The following RIT2 variants were observed in gnomAD, a reference collection of about 807,000 sequenced individuals.
RIT2 encodes Ras like without CAAX 2.
Under a neutral mutation model 23.7 loss-of-function variants are expected in RIT2, and 24 were observed. The observed-to-expected ratio is 1.01, with a 90% confidence interval of 0.73 to 1.43. RIT2 has a LOEUF of 1.43. Ranked by LOEUF, RIT2 falls within the 40% of genes most tolerant of loss-of-function variation. The pLI is 0.00. For missense variants in RIT2, 236 were observed against 266.9 expected (o/e 0.88, Z 0.81); for synonymous variants, 107 against 91.1 (o/e 1.17, Z -0.99).
intron 3 of RIT2, among the ~76,000 whole-genome samples, chr18:42,941,931 C>T (rs566118228): frequency 6.6e-5 from 10 of 152,146 alleles, no homozygotes; most frequent in African/African-American, 2.2e-4. Context: ...ACTAGTTAGT[C>T]GTAGAACTGG....
intron 3 of RIT2, among the ~76,000 whole-genome samples, chr18:42,965,629 T>A (rs184666465): frequency 2.7e-5 from 4 of 150,234 alleles, no homozygotes; most frequent in East Asian, 4.1e-4. Context: ...AAGAAAAAAC[T>A]TTTTGTGCAA....
chr18:43,074,843 C>T (rs566161984), intron 1 of RIT2, among the ~76,000 whole-genome samples: 24 of 152,244 alleles, frequency 1.6e-4, no homozygotes, highest in African/African-American at 5.1e-4. Flanking sequence ...AGGAGCTGAA[C>T]GATGAGAACA....
At chr18:42,750,158 C>T (rs1176773075) in intron 4 of RIT2, among the ~76,000 whole-genome samples, 1 of 151,754 alleles carries the variant, frequency 6.6e-6, no homozygotes, top group Non-Finnish European at 1.5e-5. Context: ...TTTCTATTTA[C>T]AGAATATGGC....
intron 2 of RIT2, among the ~76,000 whole-genome samples, chr18:43,028,393 T>C (rs1332954938): frequency 6.6e-6 from 1 of 151,986 alleles, no homozygotes; most frequent in Non-Finnish European, 1.5e-5. Context: ...GCTTGGCATA[T>C]TTAAAGAACT....
At chr18:42,925,552 C>G (rs945097600) in intron 3 of RIT2, among the ~76,000 whole-genome samples, 7 of 151,876 alleles carry the variant, frequency 4.6e-5, no homozygotes, top group Non-Finnish European at 7.4e-5. Context: ...GTTTATGCTA[C>G]TTTCTGATTA....
At chr18:42,940,654 GC>G (rs1201506008) in intron 3 of RIT2, among the ~76,000 whole-genome samples, 1 of 151,996 alleles carries the variant, frequency 6.6e-6, no homozygotes, top group African/African-American at 2.4e-5. Flanking sequence ...CAATGTATAT[GC>G]CTCTTTTGTA....
chr18:43,115,434 C>G lies in RIT2; in HGVS notation c.86G>C (p.Gly29Ala), dbSNP rs760273264. Residue 29 changes from glycine to alanine, a missense_variant, in exon 1 of 5, where the codon GGG becomes GCG. Transcript: ENST00000326695. ...AAACTTACCGCTTTTACCAACTCCC[C>G]CTGCTCCCAGCATTACCACCTTGTA... The part of the protein sequence containing the change: ...REYKVVMLGA[G>A]GVGKSAMTMQ... 1 of 1,613,408 alleles carries G rather than the reference C, an allele frequency of 6.2e-7. No individual in the cohort carries two copies. Among genetic ancestry groups the G allele is most frequent in the Non-Finnish European group, 8.5e-7 (1 of 1,179,746 alleles).
intron 4 of RIT2, among the ~76,000 whole-genome samples, chr18:42,916,810 A>T (rs919150678): frequency 6.6e-6 from 1 of 152,130 alleles, no homozygotes; most frequent in Non-Finnish European, 1.5e-5. Context: ...ACAGACGTAG[A>T]CACTGAGACA....
At chr18:43,038,601 T>TAA (rs1461652760) in intron 1 of RIT2, among the ~76,000 whole-genome samples, 2 of 152,230 alleles carry the variant, frequency 1.3e-5, no homozygotes, top group African/African-American at 4.8e-5. Context: ...GTATATATCT[T>TAA]CTTTAAGTTA....
intron 1 of RIT2, among the ~76,000 whole-genome samples, chr18:43,111,435 C>CA (rs34599101): frequency 0.17 from 25,985 of 151,594 alleles, 2,430 homozygotes; most frequent in East Asian, 0.38. Context: ...TTTAAAATAA[C>CA]AAAAAAGTAT....
chr18:42,837,536 G>A (rs532766905), intron 4 of RIT2, among the ~76,000 whole-genome samples: 1 of 152,070 alleles, frequency 6.6e-6, no homozygotes, highest in East Asian at 1.9e-4. Context: ...GCAGTTTATG[G>A]GCTGGCACCT....
chr18:42,961,253 A>G (rs1425607244), intron 3 of RIT2, among the ~76,000 whole-genome samples: 1 of 152,222 alleles, frequency 6.6e-6, no homozygotes, highest in African/African-American at 2.4e-5. Context: ...CACAAATTCT[A>G]CATTGTCTTT....
intron 3 of RIT2, among the ~76,000 whole-genome samples, chr18:42,925,932 T>A (rs1909169627): frequency 6.6e-6 from 1 of 151,804 alleles, no homozygotes; most frequent in Non-Finnish European, 1.5e-5. Flanking sequence ...ATCATAATTC[T>A]TTTTATACAT....
intron 4 of RIT2, among the ~76,000 whole-genome samples, chr18:42,857,214 G>A (rs1445936813): frequency 6.6e-6 from 1 of 152,090 alleles, no homozygotes; most frequent in East Asian, 1.9e-4. Context: ...CAAACTACAA[G>A]GTCACGTTCC....
intron 1 of RIT2, among the ~76,000 whole-genome samples, chr18:43,101,667 A>C (rs1218911298): frequency 6.6e-6 from 1 of 152,218 alleles, no homozygotes; most frequent in East Asian, 1.9e-4. Flanking sequence ...TCTCAGAATT[A>C]CATTCAGAAA....
chr18:42,965,194 A>T (rs1910186716), intron 3 of RIT2, among the ~76,000 whole-genome samples: 1 of 152,236 alleles, frequency 6.6e-6, no homozygotes, highest in Admixed American at 6.5e-5. Flanking sequence ...TGAACAAACC[A>T]GTTTTGAGGA....
chr18:42,958,965 T>C (rs1598730219), intron 3 of RIT2, among the ~76,000 whole-genome samples: 1 of 152,174 alleles, frequency 6.6e-6, no homozygotes, highest in East Asian at 1.9e-4. Flanking sequence ...TTTCCTCCCT[T>C]ATCTGCCTCC....
intron 2 of RIT2, among the ~76,000 whole-genome samples, chr18:43,015,849 T>C (rs1012864269): frequency 6.6e-6 from 1 of 151,778 alleles, no homozygotes; most frequent in Non-Finnish European, 1.5e-5. Flanking sequence ...AAACATTGAC[T>C]GGCTATCATG....
At chr18:42,836,203 T>A (rs549152730) in intron 4 of RIT2, among the ~76,000 whole-genome samples, 1 of 152,306 alleles carries the variant, frequency 6.6e-6, no homozygotes, top group East Asian at 1.9e-4. Flanking sequence ...TACTTGACTT[T>A]CTTTTTTTTC....
Sources: gnomAD v4.1 joint callset for allele counts (sites outside exome capture counted in the v4.1 genomes callset) on GRCh38, gnomAD v4.1.1 for gene constraint, MANE v1.5 for transcripts, NCBI Gene and HGNC (gene_info 2026-07-23, HGNC 2026-07-21) for gene names.